ANGPTL1: variants seen among roughly 807,000 people sequenced by gnomAD.
ANGPTL1 encodes the protein angiopoietin like 1, also known as angiopoietin-related protein 1.
In ANGPTL1, 36 loss-of-function variants were observed where a neutral mutation model predicts 46.7. The observed-to-expected ratio is 0.77, with a 90% CI of 0.59 to 1.02. The LOEUF is 1.02. Among genes scored for constraint, ANGPTL1 ranks in the 50% least tolerant of loss-of-function variants. The pLI, the probability that ANGPTL1 is intolerant of heterozygous loss-of-function variation, is 0.00. For missense variants in ANGPTL1, 571 were observed against 594.7 expected (o/e 0.96, Z 0.41); for synonymous variants, 221 against 204.3 (o/e 1.08, Z -0.69).
chr1:178,855,453 A>G (rs893748770), intron 3 of ANGPTL1, among the ~76,000 whole-genome samples: 3 of 151,978 alleles, frequency 2.0e-5, no homozygotes, highest in African/African-American at 2.4e-5. Context: ...CCAAATGTTT[A>G]TTATAGTTCA....
At chr1:178,868,974 CTT>C (rs1658583008) in intron 2 of ANGPTL1, 138 bp downstream of exon 2, 1 of 151,876 alleles carries the variant, frequency 6.6e-6, no homozygotes, top group African/African-American at 2.4e-5. Context: ...AAAACATTCT[CTT>C]ATTTAATATT....
chr1:178,869,030 A>C (rs529278187), intron 2 of ANGPTL1, 84 bp downstream of exon 2: 9 of 152,068 alleles, frequency 5.9e-5, no homozygotes, highest in African/African-American at 2.2e-4. Context: ...CCATAAATCT[A>C]TGTTACCTCA....
chr1:178,852,193 A>G (rs544625733), intron 5 of ANGPTL1, among the ~76,000 whole-genome samples: 1 of 152,136 alleles, frequency 6.6e-6, no homozygotes, highest in Non-Finnish European at 1.5e-5. Context: ...GCGAACCCAT[A>G]TAAAATAGCT....
chr1:178,864,706 A>G (rs1658262601), intron 3 of ANGPTL1, among the ~76,000 whole-genome samples: 1 of 152,158 alleles, frequency 6.6e-6, no homozygotes, highest in African/African-American at 2.4e-5. Context: ...CCCCTCGATC[A>G]TAAGAATTTG....
Position 178,865,314 on chromosome 1 carries a change from C to G in ANGPTL1, c.463G>C (p.Glu155Gln). ...RDNSLELSQL[E>Q]NKILNVTTEM... ...GTGGTGACATTGAGGATTTTGTTTT[C>G]CAGTTGGGAAAGTTCAAGTGAATTA... Residue 155 changes from glutamate to glutamine, a missense_variant, in exon 3 of 6, where the codon GAA becomes CAA. By Grantham distance (29) the Glu-to-Gln change is conservative (BLOSUM62 2). Coordinates refer to ENST00000234816, the MANE Select transcript of ANGPTL1 (RefSeq NM_004673.4). 1 of 1,613,944 alleles carries G rather than the reference C, an allele frequency of 6.2e-7. No individual in the cohort carries two copies. The highest frequency in any genetic ancestry group is 1.1e-5 in the South Asian group (1 of 91,060).
Position 178,865,233 on chromosome 1 carries a change from A to C in ANGPTL1, c.544T>G (p.Leu182Val). 6.2e-7 allele frequency: 1 copy of C among 1,614,152 alleles called. No individual in the cohort carries two copies. The highest frequency in any genetic ancestry group is 8.5e-7 in the Non-Finnish European group (1 of 1,180,006). ...YRELEVKYAS[L>V]TDLVNNQSVM... is the part of the protein sequence containing the mutation. ...GATTGGTTATTGACAAGATCAGTCA[A>C]GGAAGCGTATTTCACCTCTAGTTCC... Residue 182 changes from leucine to valine, a missense_variant, in exon 3 of 6, where the codon TTG becomes GTG. By Grantham distance (32) the Leu-to-Val change is conservative. Coordinates refer to ENST00000234816, the MANE Select transcript of ANGPTL1 (RefSeq NM_004673.4).
chr1:178,857,146 T>A (rs1657642259), intron 3 of ANGPTL1, among the ~76,000 whole-genome samples: 1 of 152,176 alleles, frequency 6.6e-6, no homozygotes, highest in African/African-American at 2.4e-5. Flanking sequence ...GAAGGAAAAG[T>A]AAATTATGAC....
At chr1:178,851,461 C>A in intron 5 of ANGPTL1, 145 bp from the exon 6 acceptor site, 1 of 664,438 alleles carries the variant, frequency 1.5e-6, no homozygotes, top group Non-Finnish European at 2.3e-6. Flanking sequence ...AATGCCTTCA[C>A]TTACTTGATG....
chr1:178,860,495 G>T (rs1365044825), intron 3 of ANGPTL1, among the ~76,000 whole-genome samples: 1 of 151,856 alleles, frequency 6.6e-6, no homozygotes, highest in Non-Finnish European at 1.5e-5. Context: ...CAGTTTATTG[G>T]CATTAAGAAC....
chr1:178,867,821 C>T (rs1300358177), intron 2 of ANGPTL1, among the ~76,000 whole-genome samples: 4 of 151,512 alleles, frequency 2.6e-5, no homozygotes, highest in South Asian at 2.1e-4. Flanking sequence ...GGACCCCTCC[C>T]GAAAACAAAG....
intron 3 of ANGPTL1, among the ~76,000 whole-genome samples, chr1:178,861,239 T>C (rs914057338): frequency 6.6e-6 from 1 of 152,114 alleles, no homozygotes; most frequent in African/African-American, 2.4e-5. Flanking sequence ...ATTTAAGAGA[T>C]CCACATTTAT....
intron 2 of ANGPTL1, among the ~76,000 whole-genome samples, chr1:178,868,690 G>A (rs1658565740): frequency 6.6e-6 from 1 of 151,970 alleles, no homozygotes; most frequent in Admixed American, 6.6e-5. Context: ...GCTTCCTTGT[G>A]TGTATTCTGC....
intron 5 of ANGPTL1, among the ~76,000 whole-genome samples, chr1:178,852,272 TC>T (rs1397984261): frequency 1.3e-5 from 2 of 152,166 alleles, no homozygotes; most frequent in African/African-American, 4.8e-5. Flanking sequence ...GAGTACTTAT[TC>T]CCACCTAACA....
At chr1:178,853,204 A>G (rs999896451) in intron 4 of ANGPTL1, 2 of 985,396 alleles carry the variant, frequency 2.0e-6, no homozygotes, top group Non-Finnish European at 2.4e-6. Flanking sequence ...AAATAAGACA[A>G]TGCAAATGAG....
intron 5 of ANGPTL1, among the ~76,000 whole-genome samples, chr1:178,852,073 G>A (rs1230366743): frequency 2.0e-5 from 3 of 152,056 alleles, no homozygotes; most frequent in African/African-American, 7.2e-5. Flanking sequence ...CAGTCATCTT[G>A]GTTTTCCCCC....
At chr1:178,867,105 T>A (rs1658462847) in intron 2 of ANGPTL1, among the ~76,000 whole-genome samples, 1 of 152,140 alleles carries the variant, frequency 6.6e-6, no homozygotes, top group Non-Finnish European at 1.5e-5. Context: ...AAGTACCTGT[T>A]TCTTGATTTA....
At chr1:178,856,234 T>TATATACAC (rs1368301659) in intron 3 of ANGPTL1, among the ~76,000 whole-genome samples, 8 of 128,776 alleles carry the variant, frequency 6.2e-5, no homozygotes, top group African/African-American at 2.5e-4. Context: ...TATATATATA[T>TATATACAC]GGTTTTGGGT....
chr1:178,859,307 A>G (rs1380109065), intron 3 of ANGPTL1, among the ~76,000 whole-genome samples: 1 of 152,138 alleles, frequency 6.6e-6, no homozygotes, highest in Non-Finnish European at 1.5e-5. Flanking sequence ...AAGCATTATA[A>G]ATAATTTGAA....
At chr1:178,866,321 A>G (rs1658406328) in intron 2 of ANGPTL1, among the ~76,000 whole-genome samples, 1 of 152,190 alleles carries the variant, frequency 6.6e-6, no homozygotes, top group Admixed American at 6.6e-5. Context: ...TCTGTAATAA[A>G]TTATGTCATC....
Sources: gnomAD v4.1 joint callset for allele counts (sites outside exome capture counted in the v4.1 genomes callset) on GRCh38, gnomAD v4.1.1 for gene constraint, MANE v1.5 for transcripts, NCBI Gene and HGNC (gene_info 2026-07-23, HGNC 2026-07-21) for gene names.